Variants in GLIS3 observed in about 807,000 individuals in gnomAD.
GLIS3 encodes zinc finger protein GLIS3.
In GLIS3, 53 loss-of-function variants were observed where a neutral mutation model predicts 78.6. The ratio of observed to expected loss-of-function variants is 0.67; its 90% CI spans 0.54 to 0.85. The LOEUF (loss-of-function observed/expected upper bound fraction) is 0.85. GLIS3 is among the 40% of genes least tolerant of loss of function. The pLI, the probability that GLIS3 is intolerant of heterozygous loss-of-function variation, is 0.00. For missense variants in GLIS3, 1,703 were observed against 1,231.1 expected, an observed-to-expected ratio of 1.38 and a Z score of -5.74; for synonymous variants, 684 against 509.9, an observed-to-expected ratio of 1.34 and a Z score of -4.60.
At chr9:4,475,148 C>T in the GLIS3 span, among the ~76,000 whole-genome samples, 2 of 151,962 alleles carry the variant, frequency 1.3e-5, no homozygotes, top group South Asian at 2.1e-4. Context: ...CGTGAGCCAC[C>T]GCACCTGGCC....
intron 4 of GLIS3, 45 bp downstream of exon 4, chr9:4,117,723 G>C (rs1375521754): frequency 1.2e-6 from 2 of 1,612,754 alleles, no homozygotes; most frequent in East Asian, 4.5e-5. Flanking sequence ...CGCAAAGCAA[G>C]CCGGGCCTTC....
At chr9:4,266,483 A>C (rs539998093) in intron 2 of GLIS3, among the ~76,000 whole-genome samples, 1 of 152,084 alleles carries the variant, frequency 6.6e-6, no homozygotes, top group African/African-American at 2.4e-5. Flanking sequence ...TTCTTCTCCT[A>C]TAATTAGGAA....
chr9:4,236,823 C>A (rs770614547), intron 2 of GLIS3, among the ~76,000 whole-genome samples: 1 of 152,210 alleles, frequency 6.6e-6, no homozygotes. Flanking sequence ...ACAATGCAAA[C>A]TGGAAAAACA....
chr9:4,229,523 A>G (rs201935148), intron 2 of GLIS3, among the ~76,000 whole-genome samples: 9 of 152,232 alleles, frequency 5.9e-5, no homozygotes, highest in Admixed American at 2.0e-4. Flanking sequence ...TCTCCTGCAC[A>G]GTGTTATCCT....
At chr9:3,987,289 A>G (rs78188593) in intron 4 of GLIS3, among the ~76,000 whole-genome samples, 1,873 of 152,286 alleles carry the variant, frequency 0.012, 57 homozygotes, top group African/African-American at 0.043. Flanking sequence ...AAAGGCAAAC[A>G]TAATGAGAAA....
chr9:4,002,372 T>C (rs142341062), intron 4 of GLIS3, among the ~76,000 whole-genome samples: 5 of 152,186 alleles, frequency 3.3e-5, no homozygotes, highest in East Asian at 1.9e-4. Flanking sequence ...GACAATAAAT[T>C]TGTGTTATTT....
At chr9:3,835,149 A>G (rs111353597) in intron 9 of GLIS3, among the ~76,000 whole-genome samples, 3,795 of 152,284 alleles carry the variant, frequency 0.025, 76 homozygotes, top group South Asian at 0.038. Context: ...GGCCTTGCAA[A>G]ACAAAATGCT....
chr9:4,205,954 GT>G (rs1400136398), intron 2 of GLIS3, among the ~76,000 whole-genome samples: 1 of 152,016 alleles, frequency 6.6e-6, no homozygotes, highest in African/African-American at 2.4e-5. Context: ...TTTTTTTTTA[GT>G]TTGTTTTTGT....
chr9:4,272,742 A>G (rs746932010), intron 2 of GLIS3, among the ~76,000 whole-genome samples: 3 of 152,214 alleles, frequency 2.0e-5, no homozygotes, highest in Non-Finnish European at 2.9e-5. Context: ...ATATGAGGCT[A>G]ATCCTTTCAA....
chr9:4,450,681 G>T, the GLIS3 span, among the ~76,000 whole-genome samples: 2 of 152,156 alleles, frequency 1.3e-5, no homozygotes, highest in African/African-American at 2.4e-5. Flanking sequence ...AAAAGAGAGT[G>T]GGGGCCAATA....
At chr9:4,369,217 A>G in the GLIS3 span, among the ~76,000 whole-genome samples, 3 of 152,254 alleles carry the variant, frequency 2.0e-5, no homozygotes, top group East Asian at 1.9e-4. Flanking sequence ...CTCAGCCACC[A>G]TTCTAGATCT....
At chr9:4,421,108 G>A in the GLIS3 span, among the ~76,000 whole-genome samples, 2 of 152,178 alleles carry the variant, frequency 1.3e-5, no homozygotes, top group Admixed American at 6.5e-5. Flanking sequence ...TTTAATTACT[G>A]TCAGTGACTG....
chr9:3,891,096 T>TAAA (rs1822407716), intron 7 of GLIS3, among the ~76,000 whole-genome samples: 13 of 136,012 alleles, frequency 9.6e-5, no homozygotes, highest in African/African-American at 3.5e-4. Flanking sequence ...AAGAAGAAAG[T>TAAA]AGGAGGAAGA....
chr9:4,453,359 A>AG, the GLIS3 span, among the ~76,000 whole-genome samples: 167 of 146,602 alleles, frequency 1.1e-3, 2 homozygotes, highest in South Asian at 0.01. Flanking sequence ...AAAAAAAAAA[A>AG]AAAAAGAAAA....
chr9:4,342,064 G>C (rs895322462), intron 2 of GLIS3, among the ~76,000 whole-genome samples: 2 of 152,052 alleles, frequency 1.3e-5, no homozygotes, highest in African/African-American at 4.8e-5. Context: ...TTTAATCTGT[G>C]GATAGTTTCT....
intron 2 of GLIS3, among the ~76,000 whole-genome samples, chr9:4,206,212 C>CA (rs1161203566): frequency 6.6e-6 from 1 of 152,074 alleles, no homozygotes; most frequent in Non-Finnish European, 1.5e-5. Context: ...AGGGATATTG[C>CA]AAGTGAGTAT....
At chr9:3,914,444 G>A (rs1320445738) in intron 6 of GLIS3, among the ~76,000 whole-genome samples, 1 of 151,790 alleles carries the variant, frequency 6.6e-6, no homozygotes, top group African/African-American at 2.4e-5. Flanking sequence ...TGGGATTATA[G>A]GCATGAGCCT....
chr9:4,182,482 A>G (rs1463192235), intron 2 of GLIS3, among the ~76,000 whole-genome samples: 3 of 152,254 alleles, frequency 2.0e-5, no homozygotes, highest in Non-Finnish European at 4.4e-5. Context: ...GGGATATTTT[A>G]TCATCAGTGA....
chr9:4,464,113 C>T, the GLIS3 span, among the ~76,000 whole-genome samples: 2 of 152,046 alleles, frequency 1.3e-5, no homozygotes, highest in Non-Finnish European at 2.9e-5. Flanking sequence ...AAAAATCACT[C>T]CCTTTTCATT....
Sources: gnomAD v4.1 joint callset for allele counts (sites outside exome capture counted in the v4.1 genomes callset) on GRCh38, gnomAD v4.1.1 for gene constraint, MANE v1.5 for transcripts, NCBI Gene and HGNC (gene_info 2026-07-23, HGNC 2026-07-21) for gene names.